USP34: variants seen among roughly 807,000 people sequenced by gnomAD.
USP34 encodes the protein ubiquitin carboxyl-terminal hydrolase 34.
A neutral mutation model predicts 460.3 loss-of-function variants in USP34; 70 were observed. The observed-to-expected ratio is 0.15, with a 90% CI of 0.13 to 0.19. USP34 has a LOEUF of 0.19. Ranked by LOEUF, USP34 falls within the 10% of genes least tolerant of loss-of-function variation. USP34 has a pLI of 1.00. For missense variants in USP34, 3,985 were observed against 4,236.2 expected (o/e 0.94, Z 1.65); for synonymous variants, 1,647 against 1,405.3 (o/e 1.17, Z -3.85).
rs774082935 is a variant in USP34 at position 61,281,257 on chromosome 2, A to C, written c.4999-15T>G. ...CGAACTGCAGTCTAGATGAAAAAGA[A>C]AGTTCCACAAACAGTGAGAGTTAGT... On this transcript the variant is annotated splice_polypyrimidine_tract_variant and intron_variant, in intron 37 of 79. Transcript: ENST00000398571. 3.6e-5 allele frequency: 57 copies of C among 1,603,628 alleles called. No individual in the cohort carries two copies. The Admixed American group carries it at 9.8e-4, about 28-fold the overall frequency.
chr2:61,305,337 G>T (rs1205693122), intron 27 of USP34, among the ~76,000 whole-genome samples: 3 of 151,466 alleles, frequency 2.0e-5, no homozygotes, highest in Non-Finnish European at 4.4e-5. Context: ...AAAATTTACA[G>T]ACATAAACTG....
At chr2:61,293,028 T>A (rs1301955362) in intron 33 of USP34, among the ~76,000 whole-genome samples, 1 of 152,056 alleles carries the variant, frequency 6.6e-6, no homozygotes, top group Admixed American at 6.6e-5. Context: ...AATTTCTATA[T>A]CCATCTCAAT....
At chr2:61,296,716 A>C (rs1170136786) in intron 30 of USP34, 84 bp downstream of exon 30, 4 of 1,405,812 alleles carry the variant, frequency 2.8e-6, no homozygotes, top group Non-Finnish European at 3.8e-6. Context: ...CTGAGGGTAC[A>C]TCAACAGGCA....
chr2:61,387,332 G>T (rs1241664198), intron 5 of USP34, among the ~76,000 whole-genome samples: 1 of 151,780 alleles, frequency 6.6e-6, no homozygotes, highest in Non-Finnish European at 1.5e-5. Context: ...AGGCTTGGTA[G>T]TAGGTTCCTG....
At chr2:61,263,717 C>T (rs573224043) in intron 43 of USP34, among the ~76,000 whole-genome samples, 1 of 150,756 alleles carries the variant, frequency 6.6e-6, no homozygotes, top group Admixed American at 6.6e-5. Flanking sequence ...CTCCTAACCT[C>T]GTGATCCACC....
intron 10 of USP34, among the ~76,000 whole-genome samples, chr2:61,356,523 T>G (rs1315320007): frequency 6.6e-6 from 1 of 151,746 alleles, no homozygotes; most frequent in African/African-American, 2.4e-5. Context: ...TGCAATACTA[T>G]TCATCCTTAA....
chr2:61,389,201 G>C (rs952383046), intron 5 of USP34, among the ~76,000 whole-genome samples: 9 of 152,144 alleles, frequency 5.9e-5, no homozygotes, highest in Admixed American at 1.3e-4. Context: ...GGAATAGTTA[G>C]TGGCCTGAGG....
intron 34 of USP34, among the ~76,000 whole-genome samples, chr2:61,288,191 C>G (rs530125633): frequency 1.3e-5 from 2 of 152,162 alleles, no homozygotes; most frequent in Non-Finnish European, 2.9e-5. Flanking sequence ...GCCTAAACCC[C>G]GGTTTAACAG....
chr2:61,196,858 T>C (rs1686825443), intron 75 of USP34, among the ~76,000 whole-genome samples: 2 of 152,142 alleles, frequency 1.3e-5, no homozygotes, highest in Admixed American at 6.5e-5. Flanking sequence ...TCTATATCTA[T>C]TTTCCACAAC....
chr2:61,383,708 A>C (rs778088325), intron 5 of USP34, among the ~76,000 whole-genome samples: 1 of 152,216 alleles, frequency 6.6e-6, no homozygotes, highest in Non-Finnish European at 1.5e-5. Context: ...CAACGGAGCG[A>C]GACTCCGTCT....
intron 3 of USP34, among the ~76,000 whole-genome samples, chr2:61,400,401 G>T (rs544279721): frequency 6.6e-6 from 1 of 152,122 alleles, no homozygotes; most frequent in East Asian, 1.9e-4. Context: ...GAGCCACCGC[G>T]CCCGGCCAGA....
At chr2:61,406,185 A>C (rs1693864678) in intron 2 of USP34, 57 bp from the exon 3 acceptor site, 1 of 1,364,590 alleles carries the variant, frequency 7.3e-7, no homozygotes, top group Non-Finnish European at 9.7e-7. Context: ...GTATTTTTTA[A>C]TAATATAAAA....
chr2:61,352,835 C>A (rs144593736), intron 10 of USP34, among the ~76,000 whole-genome samples: 2 of 150,816 alleles, frequency 1.3e-5, no homozygotes, highest in Non-Finnish European at 2.9e-5. Flanking sequence ...ACAAAGATGA[C>A]GAAGAGGACA....
intron 21 of USP34, among the ~76,000 whole-genome samples, chr2:61,320,498 G>A (rs1318497438): frequency 6.6e-6 from 1 of 151,862 alleles, no homozygotes; most frequent in African/African-American, 2.4e-5. Context: ...CCAGGAATCA[G>A]TTTTTTTCCT....
At chr2:61,359,958 T>C (rs1137242) in intron 10 of USP34, among the ~76,000 whole-genome samples, 3 of 151,946 alleles carry the variant, frequency 2.0e-5, no homozygotes, top group Admixed American at 6.6e-5. Context: ...CTAATTTTTC[T>C]ATTTTTAGTA....
chr2:61,370,676 T>C (rs755158914), intron 8 of USP34, 97 bp from the exon 9 acceptor site: 9 of 1,036,236 alleles, frequency 8.7e-6, no homozygotes, highest in African/African-American at 3.3e-5. Flanking sequence ...TTTGTTCCTA[T>C]AGGAATTATA....
intron 3 of USP34, among the ~76,000 whole-genome samples, chr2:61,401,019 T>A (rs1693701013): frequency 6.6e-6 from 1 of 151,236 alleles, no homozygotes; most frequent in Non-Finnish European, 1.5e-5. Context: ...GCATTTTGGG[T>A]GCGCGCCTGT....
At chr2:61,262,130 T>TAGATAGATAGATAG (rs1553359528) in intron 43 of USP34, among the ~76,000 whole-genome samples, 21 of 113,712 alleles carry the variant, frequency 1.8e-4, no homozygotes, top group East Asian at 8.6e-4. Context: ...TATATATATA[T>TAGATAGATAGATAG]ATAGATAGAT....
intron 66 of USP34, 77 bp downstream of exon 66, chr2:61,221,425 T>G (rs1456177589): frequency 7.6e-7 from 1 of 1,323,486 alleles, no homozygotes; most frequent in South Asian, 1.5e-5. Context: ...AACTGGTACT[T>G]AAAATGGTAG....
Sources: allele counts gnomAD v4.1 joint callset (sites outside exome capture counted in the v4.1 genomes callset), GRCh38; gene constraint gnomAD v4.1.1; transcripts MANE v1.5; gene names NCBI Gene and HGNC (gene_info 2026-07-23, HGNC 2026-07-21).